Variants in PLCD4 observed in about 807,000 individuals in gnomAD.
The protein encoded by PLCD4 is phospholipase C delta 4.
A neutral mutation model predicts 90.2 loss-of-function variants in PLCD4; 63 were observed. The ratio of observed to expected loss-of-function variants is 0.70; its 90% CI spans 0.57 to 0.86. PLCD4 has a LOEUF of 0.86. Among genes scored for constraint, PLCD4 ranks in the 40% least tolerant of loss-of-function variants. PLCD4 has a pLI of 0.00. For synonymous variants in PLCD4, 294 were observed against 356.5 expected (o/e 0.82, Z 1.97); for missense variants, 830 against 956.3 (o/e 0.87, Z 1.74).
At chr2:218,610,266 G>A (rs1056581432) in intron 1 of PLCD4, among the ~76,000 whole-genome samples, 6 of 152,158 alleles carry the variant, frequency 3.9e-5, no homozygotes, top group African/African-American at 9.7e-5. Context: ...CAGCACTTAG[G>A]GAGGCTGAGG....
chr2:218,628,214 G>A lies in PLCD4; in HGVS notation c.958G>A (p.Val320Ile), dbSNP rs769778821. The A allele has an allele frequency of 1.3e-5, 21 of 1,613,938 alleles. No homozygotes were observed. The highest frequency in any genetic ancestry group is 1.2e-4 in the Admixed American group (7 of 60,022). The change falls in exon 7 of 16, where the codon GTC becomes ATC. Residue 320 changes from valine to isoleucine, a missense_variant. Val to Ile is a conservative substitution (Grantham distance 29). Transcript: ENST00000450993. ...VGDQLCGQSSVEGYIRALKRG... is the reference protein window; with the variant it reads ...VGDQLCGQSSIEGYIRALKRG... ...GGACCAGCTTTGTGGCCAGAGCAGC[G>A]TCGAGGGATATATACGGTGCAGTGG... is the stretch of plus-strand genomic sequence containing the variant.
intron 5 of PLCD4, 83 bp downstream of exon 5, chr2:218,621,682 C>T: frequency 2.6e-6 from 4 of 1,531,448 alleles, no homozygotes; most frequent in Non-Finnish European, 3.6e-6. Flanking sequence ...CAGTCCACAA[C>T]ACTCAATTGT....
intron 3 of PLCD4, among the ~76,000 whole-genome samples, chr2:218,616,277 C>G (rs1695575349): frequency 6.6e-6 from 1 of 152,114 alleles, no homozygotes; most frequent in Non-Finnish European, 1.5e-5. Context: ...TTAGAAGAGT[C>G]CTGGAACATA....
At chr2:218,610,499 C>G (rs1695283975) in intron 1 of PLCD4, among the ~76,000 whole-genome samples, 1 of 150,516 alleles carries the variant, frequency 6.6e-6, no homozygotes, top group African/African-American at 2.5e-5. Flanking sequence ...CAGAGTGACA[C>G]TCCGTCTCAA....
chr2:218,614,864 T>C (rs116465477), intron 1 of PLCD4, among the ~76,000 whole-genome samples: 2,238 of 152,202 alleles, frequency 0.015, 48 homozygotes, highest in African/African-American at 0.05. Flanking sequence ...AGAATAACTA[T>C]AAAGGAAAGG....
chr2:218,636,906 T>A lies in PLCD4; in HGVS notation c.*329T>A, dbSNP rs775955667. On this transcript the variant is annotated 3_prime_UTR_variant, in exon 16 of 16. Coordinates refer to ENST00000450993, the MANE Select transcript of PLCD4 (RefSeq NM_032726.4). ...TACAACTAATCTTTCCCATCAACTC[T>A]GTGTGAAGGCAGGTTGCAACTAGAA... The A allele has an allele frequency of 1.3e-5, 6 of 469,024 alleles. No individual in the cohort carries two copies. The highest frequency in any genetic ancestry group is 2.0e-5 in the African/African-American group (1 of 50,602). 29.1% of individuals were successfully genotyped at this position (469,024 alleles called of 1,614,324 possible).
chr2:218,626,697 C>G (rs1046505238), intron 6 of PLCD4, among the ~76,000 whole-genome samples: 2 of 152,116 alleles, frequency 1.3e-5, no homozygotes, highest in Non-Finnish European at 2.9e-5. Context: ...TAACAGGGCC[C>G]TTTTCTCAAT....
Position 218,618,656 on chromosome 2 carries a change from C to A in PLCD4, c.259C>A (p.Leu87Met), listed in dbSNP as rs1450321997. The change falls in exon 4 of 16, where the codon CTG becomes ATG. Residue 87 changes from leucine to methionine, a missense_variant. Leu to Met is a conservative substitution (Grantham distance 15). Transcript: ENST00000450993. ...LLRSLAEELP[L>M]EQGFTIVFHG... ...GCGTAGCCTGGCAGAGGAGCTCCCC[C>A]TGGAGCAGGGCTTCACCATTGTCTT... 1 of 1,614,016 alleles carries A rather than the reference C, an allele frequency of 6.2e-7. No homozygotes were observed. The highest frequency in any genetic ancestry group is 8.5e-7 in the Non-Finnish European group (1 of 1,179,900).
At position 218,618,608 on chromosome 2, in the gene PLCD4, A is replaced by C. The variant is rs1229412333; in HGVS notation, c.211A>C (p.Asn71His). 1 of 1,613,882 alleles carries C rather than the reference A, an allele frequency of 6.2e-7. No individual in the cohort carries two copies. The highest frequency in any genetic ancestry group is 2.2e-5 in the East Asian group (1 of 44,898). ...FSISDVETIR[N>H]GHDSELLRSL... ...AATCTCTGATGTGGAGACAATACGTAATGGCCATGATTCCGAGTTGCTGCG... is the reference window on the plus strand; with the variant it reads ...AATCTCTGATGTGGAGACAATACGTCATGGCCATGATTCCGAGTTGCTGCG... Residue 71 changes from asparagine to histidine, a missense_variant, in exon 4 of 16, where the codon AAT (asparagine) becomes CAT (histidine). By Grantham distance (68) the Asn-to-His change is moderately conservative. Transcript: ENST00000450993.
rs1696552294 is a variant in PLCD4, at chr2:218,634,010, C to A, written c.1607-95C>A. ...AACTTTCTGGAGCCAGCTTCAGATG[C>A]TGGAGAGAAGGGTGAAGAGTAGGCA... On this transcript the variant is annotated intron_variant, in intron 11 of 15. Transcript: ENST00000450993. This position sits in a 1 kb window ranked among gnomAD's most constrained non-coding sequence, Gnocchi z 4.0. 1.3e-6 allele frequency: 2 copies of A among 1,481,858 alleles called. No individual in the cohort carries two copies. The highest frequency in any genetic ancestry group is 1.8e-6 in the Non-Finnish European group (2 of 1,097,496). 91.8% of individuals were successfully genotyped at this position (1,481,858 alleles called of 1,614,324 possible). A position where few individuals can be genotyped will look rare whatever the true frequency, so the allele number is the denominator to read the frequency against.
Position 218,634,106 on chromosome 2 carries a change from C to A in PLCD4, c.1608C>A (p.Gly536=). Residue 536 remains glycine, a splice_region_variant and synonymous_variant, in exon 12 of 16, where the codon GGC becomes GGA. Coordinates refer to ENST00000450993, the MANE Select transcript of PLCD4 (RefSeq NM_032726.4). The surrounding 1 kb of genome is among the most constrained non-coding windows in gnomAD (Gnocchi z 4.0). The part of the protein sequence containing the change: ...TKAKRLIKEA[G]NEFVQHNTWQ... ...CTCCCTCTCTATACCCTTTTACAGG[C>A]AATGAGTTTGTGCAGCACAATACTT... 1 of 1,607,990 alleles carries A rather than the reference C, an allele frequency of 6.2e-7. No homozygotes were observed. The highest frequency in any genetic ancestry group is 1.3e-5 in the African/African-American group (1 of 74,920).
At chr2:218,628,349 C>T in intron 7 of PLCD4, 119 bp downstream of exon 7, 1 of 961,078 alleles carries the variant, frequency 1.0e-6, no homozygotes. Flanking sequence ...GCTGAGGAGC[C>T]CTGGATACCA....
In PLCD4 at chr2:218,621,477, A is replaced by G. The variant is rs1242783911; in HGVS notation, c.418A>G (p.Ser140Gly). Residue 140 changes from serine (S) to glycine (G), a missense_variant, in exon 5 of 16, where the codon AGC (serine) becomes GGC (glycine). Ser to Gly is a moderately conservative substitution (Grantham distance 56). Coordinates refer to ENST00000450993, the MANE Select transcript of PLCD4 (RefSeq NM_032726.4). ...DHQERLDQWL[S>G]DWFQRGDKNQ... ...GCCTTGACTCATACCTGGATGGCTG[A>G]GCGATTGGTTTCAACGTGGAGACAA... 1.9e-6 allele frequency: 3 copies of G among 1,613,848 alleles called. 1 individual carries two copies. The African/African-American group carries it at 4.0e-5, about 22-fold the overall frequency.
At chr2:218,624,903 G>T (rs1696038930) in intron 6 of PLCD4, among the ~76,000 whole-genome samples, 1 of 151,802 alleles carries the variant, frequency 6.6e-6, no homozygotes, top group Admixed American at 6.6e-5. Context: ...CTGAGGTCAG[G>T]AGTTTGAGAA....
At chr2:218,613,522 T>C (rs1332281177) in intron 1 of PLCD4, among the ~76,000 whole-genome samples, 1 of 152,200 alleles carries the variant, frequency 6.6e-6, no homozygotes, top group Non-Finnish European at 1.5e-5. Flanking sequence ...AGCTTTATGT[T>C]TTATGAGATT....
At chr2:218,631,945 A>T (rs976541769) in intron 9 of PLCD4, among the ~76,000 whole-genome samples, 191 bp from the exon 10 acceptor site, 2 of 152,092 alleles carry the variant, frequency 1.3e-5, no homozygotes, top group African/African-American at 4.8e-5. Flanking sequence ...TTCCATATGG[A>T]TAGAGATATT....
chr2:218,622,544 C>T, intron 5 of PLCD4, 103 bp from the exon 6 acceptor site: 1 of 644,608 alleles, frequency 1.6e-6, no homozygotes, highest in East Asian at 2.8e-5. Context: ...AATATATACA[C>T]CTACTATGTA....
At chr2:218,624,930 G>A (rs949088041) in intron 6 of PLCD4, among the ~76,000 whole-genome samples, 2 of 151,562 alleles carry the variant, frequency 1.3e-5, no homozygotes, top group African/African-American at 4.8e-5. Flanking sequence ...GGCCTACGTG[G>A]TGAAACCCCA....
chr2:218,616,927 T>TATATATATATATAG (rs1553571947), intron 3 of PLCD4, among the ~76,000 whole-genome samples: 6 of 13,762 alleles, frequency 4.4e-4, no homozygotes, highest in South Asian at 3.6e-3. Flanking sequence ...TATATATATA[T>TATATATATATATAG]AGAGAGAGAG....
Sources: gnomAD v4.1 joint callset for allele counts (sites outside exome capture counted in the v4.1 genomes callset) on GRCh38, gnomAD v4.1.1 for gene constraint, Gnocchi (gnomAD v3.1) non-coding constraint, MANE v1.5 for transcripts, NCBI Gene and HGNC (gene_info 2026-07-23, HGNC 2026-07-21) for gene names.